The following TCF4 variants were observed in gnomAD, a reference collection of about 807,000 sequenced individuals.
TCF4 encodes the protein SL3-3 enhancer factor 2.
TCF4 carries 3 observed loss-of-function variants against 82.1 expected under a neutral mutation model. That is an observed-to-expected ratio of 0.04 (90% CI 0.02 to 0.09). The LOEUF (loss-of-function observed/expected upper bound fraction) is 0.09, where lower values mean the gene tolerates loss of function less well. TCF4 is among the 10% of genes least tolerant of loss of function. TCF4 has a pLI of 1.00. For missense variants in TCF4, 518 were observed against 852.7 expected, an observed-to-expected ratio of 0.61 and a Z score of 4.89; for synonymous variants, 276 against 309.6, an observed-to-expected ratio of 0.89 and a Z score of 1.14.
chr18:55,627,211 G>T (rs1339628855), intron 2 of TCF4, among the ~76,000 whole-genome samples: 1 of 152,120 alleles, frequency 6.6e-6, no homozygotes, highest in Non-Finnish European at 1.5e-5. Flanking sequence ...AAGGCTGTGT[G>T]TTCATTCTAT....
chr18:55,495,770 A>T (rs2096628081), intron 3 of TCF4: 2 of 152,228 alleles, frequency 1.3e-5, no homozygotes, highest in Non-Finnish European at 2.9e-5. Context: ...ACTAGGCAGC[A>T]ATTCCTTTAA....
At position 55,254,625 on chromosome 18, in the gene TCF4, A is replaced by G; in HGVS notation, c.1222T>C (p.Ser408Pro). 1 of 1,613,412 alleles carries G rather than the reference A, an allele frequency of 6.2e-7. No homozygotes were observed. Among genetic ancestry groups the G allele is most frequent in the Non-Finnish European group, 8.5e-7 (1 of 1,179,692 alleles). ...HVLRNHAVGP[S>P]TAMPGGHGDM... is the part of the protein sequence containing the mutation. ...CCATGACCACCAGGCATAGCTGTGG[A>G]TGGGCCCACTGCATGGTTCCGGAGA... The change falls in exon 15 of 20, where the codon TCC becomes CCC. Residue 408 changes from serine (S) to proline (P), a missense_variant. By Grantham distance (74) the Ser-to-Pro change is moderately conservative. Around this residue, in one of 7 missense-constraint regions of TCF4, gnomAD observed 144 missense variants for 190.2 expected, o/e 0.76. Transcript: ENST00000354452.
chr18:55,483,189 T>C (rs1360591968), intron 3 of TCF4, among the ~76,000 whole-genome samples: 2 of 152,182 alleles, frequency 1.3e-5, no homozygotes, highest in African/African-American at 4.8e-5. Flanking sequence ...ATATCCAAAA[T>C]GCCAGCTGAA....
chr18:55,425,351 T>G (rs1360274073), intron 5 of TCF4, among the ~76,000 whole-genome samples: 1 of 149,340 alleles, frequency 6.7e-6, no homozygotes, highest in Non-Finnish European at 1.5e-5. Flanking sequence ...GTTTTTGGCT[T>G]TTTTTTTTTC....
At chr18:55,349,322 C>A (rs534755785) in intron 8 of TCF4, among the ~76,000 whole-genome samples, 10 of 152,200 alleles carry the variant, frequency 6.6e-5, no homozygotes, top group Non-Finnish European at 1.5e-4. Flanking sequence ...GTCAAATACA[C>A]AGGTGTTTGG....
intron 3 of TCF4, among the ~76,000 whole-genome samples, chr18:55,561,475 T>C (rs2097354454): frequency 6.6e-6 from 1 of 152,212 alleles, no homozygotes; most frequent in Non-Finnish European, 1.5e-5. Flanking sequence ...ACAAAAATAA[T>C]CAGTTAAGGA....
chr18:55,385,841 C>T (rs889636666), intron 6 of TCF4, among the ~76,000 whole-genome samples: 8 of 152,326 alleles, frequency 5.3e-5, no homozygotes, highest in African/African-American at 1.9e-4. Context: ...CAGCCCTGCT[C>T]AAGTTCTCAG....
At chr18:55,586,128 G>GCA in intron 2 of TCF4, 1 of 1,443,788 alleles carries the variant, frequency 6.9e-7, no homozygotes, top group Non-Finnish European at 9.2e-7. Flanking sequence ...AGGAGGAGGA[G>GCA]GAGGAGAAGG....
chr18:55,512,112 A>T (rs540922069), intron 3 of TCF4, among the ~76,000 whole-genome samples: 2 of 152,278 alleles, frequency 1.3e-5, no homozygotes, highest in East Asian at 3.9e-4. Flanking sequence ...AAAATAATAC[A>T]AATTGGCACA....
intron 5 of TCF4, among the ~76,000 whole-genome samples, chr18:55,410,021 C>G (rs1216548912): frequency 6.6e-6 from 1 of 152,128 alleles, no homozygotes; most frequent in East Asian, 1.9e-4. Context: ...TAAATTTGTG[C>G]TAAAAGAATT....
chr18:55,322,271 T>C, intron 8 of TCF4: 1 of 1,053,958 alleles, frequency 9.5e-7, no homozygotes. Flanking sequence ...TTCTTTTTTG[T>C]TTTAATTTGA....
chr18:55,451,704 G>A (rs984624075), intron 5 of TCF4, among the ~76,000 whole-genome samples: 1 of 152,128 alleles, frequency 6.6e-6, no homozygotes, highest in African/African-American at 2.4e-5. Context: ...AGTAATGAGA[G>A]GTTTGAGAAA....
chr18:55,471,885 C>A (rs2096191622), intron 3 of TCF4, among the ~76,000 whole-genome samples: 2 of 152,040 alleles, frequency 1.3e-5, no homozygotes, highest in African/African-American at 4.8e-5. Context: ...CCAAATAAAT[C>A]TGAAACTCAA....
At chr18:55,628,633 G>T (rs2097728842) in intron 2 of TCF4, among the ~76,000 whole-genome samples, 1 of 152,144 alleles carries the variant, frequency 6.6e-6, no homozygotes, top group African/African-American at 2.4e-5. Flanking sequence ...CTGTAGGCAT[G>T]ATGTTATATA....
intron 8 of TCF4, among the ~76,000 whole-genome samples, chr18:55,282,332 C>T (rs1324562192): frequency 7.3e-5 from 11 of 151,618 alleles, no homozygotes; most frequent in Non-Finnish European, 1.3e-4. Flanking sequence ...TGATAGGGTA[C>T]TTTTTTTTAG....
chr18:55,302,301 A>G, intron 8 of TCF4: 1 of 916,436 alleles, frequency 1.1e-6, no homozygotes. Flanking sequence ...CAGGGAAGAC[A>G]GAAGTAGTGC....
intron 6 of TCF4, among the ~76,000 whole-genome samples, chr18:55,356,987 T>C (rs768272946): frequency 6.6e-6 from 1 of 152,174 alleles, no homozygotes; most frequent in Non-Finnish European, 1.5e-5. Context: ...CATAATGTGA[T>C]GCAAAGGTTG....
chr18:55,557,818 T>C (rs587136), intron 3 of TCF4, among the ~76,000 whole-genome samples: 21,694 of 152,168 alleles, frequency 0.14, 1,940 homozygotes, highest in Admixed American at 0.27. Flanking sequence ...TATTCCTATT[T>C]TCCCCCTTTT....
chr18:55,275,837 A>G, intron 9 of TCF4, 85 bp from the exon 10 acceptor site: 1 of 1,537,590 alleles, frequency 6.5e-7, no homozygotes, highest in South Asian at 1.1e-5. Context: ...CTTGAAAATG[A>G]CTGCCTGTTG....
Sources: gnomAD v4.1 joint callset for allele counts (sites outside exome capture counted in the v4.1 genomes callset) on GRCh38, gnomAD v4.1.1 for gene constraint, gnomAD v4.1.1 regional missense constraint, MANE v1.5 for transcripts, NCBI Gene and HGNC (gene_info 2026-07-23, HGNC 2026-07-21) for gene names.